ZC3H4: variants seen among roughly 807,000 people sequenced by gnomAD.
ZC3H4 encodes zinc finger CCCH-type containing 4, also known as zinc finger CCCH domain-containing protein 4.
A neutral mutation model predicts 108.3 loss-of-function variants in ZC3H4; 13 were observed. The ratio of observed to expected loss-of-function variants is 0.12; its 90% CI spans 0.08 to 0.19. The LOEUF (loss-of-function observed/expected upper bound fraction) is 0.19, where lower values mean the gene tolerates loss of function less well. Ranked by LOEUF, ZC3H4 falls within the 10% of genes least tolerant of loss-of-function variation. ZC3H4 has a pLI of 1.00. For missense variants in ZC3H4, 1,734 were observed against 1,838.8 expected (o/e 0.94, Z 1.04); for synonymous variants, 917 against 749.6 (o/e 1.22, Z -3.65).
At chr19:47,078,794 G>A (rs1453803489) in intron 11 of ZC3H4, among the ~76,000 whole-genome samples, 3 of 152,122 alleles carry the variant, frequency 2.0e-5, no homozygotes, top group Non-Finnish European at 4.4e-5. Context: ...GGAAGGCAGA[G>A]GTTGCAGTGA....
chr19:47,111,450 C>T (rs1307598307), intron 2 of ZC3H4, among the ~76,000 whole-genome samples: 1 of 152,188 alleles, frequency 6.6e-6, no homozygotes, highest in Non-Finnish European at 1.5e-5. Context: ...CCGGAAGAGA[C>T]GGTGCCCCAT....
At chr19:47,109,614 C>T (rs1293037413) in intron 2 of ZC3H4, among the ~76,000 whole-genome samples, 1 of 152,184 alleles carries the variant, frequency 6.6e-6, no homozygotes, top group Non-Finnish European at 1.5e-5. Context: ...GAGATTTCTT[C>T]CTCCCGTAAC....
intron 1 of ZC3H4, among the ~76,000 whole-genome samples, chr19:47,113,091 G>A (rs993332821): frequency 2.0e-5 from 3 of 152,248 alleles, no homozygotes; most frequent in South Asian, 2.1e-4. Flanking sequence ...CCCGGCCCCC[G>A]CCGCAATCAG....
intron 2 of ZC3H4, among the ~76,000 whole-genome samples, chr19:47,099,791 G>C (rs1416682134): frequency 1.4e-5 from 2 of 147,912 alleles, no homozygotes; most frequent in African/African-American, 5.0e-5. Flanking sequence ...GGGGCCCAGG[G>C]TTTATGGATC....
intron 11 of ZC3H4, among the ~76,000 whole-genome samples, chr19:47,074,142 T>C (rs986059925): frequency 6.6e-6 from 1 of 152,134 alleles, no homozygotes; most frequent in African/African-American, 2.4e-5. Context: ...CCCCCAGGTT[T>C]TTATTTTTCC....
At chr19:47,094,930 T>C (rs2057797831) in intron 2 of ZC3H4, among the ~76,000 whole-genome samples, 1 of 152,210 alleles carries the variant, frequency 6.6e-6, no homozygotes, top group South Asian at 2.1e-4. Flanking sequence ...TGTGGTCACA[T>C]AAGCAGGAAG....
chr19:47,094,738 A>C (rs1482166286), intron 2 of ZC3H4, 130 bp from the exon 3 acceptor site: 1 of 832,406 alleles, frequency 1.2e-6, no homozygotes, highest in East Asian at 2.4e-5. Flanking sequence ...CTGGGAGGAC[A>C]TGGGGGCCAT....
intron 1 of ZC3H4, chr19:47,113,313 G>A (rs1171063260): frequency 1.3e-5 from 2 of 153,552 alleles, no homozygotes; most frequent in African/African-American, 2.4e-5. Context: ...GAGCTGAGCA[G>A]GAGCGAGGAG....
intron 2 of ZC3H4, among the ~76,000 whole-genome samples, chr19:47,103,617 C>T (rs1027844393): frequency 6.6e-6 from 1 of 151,920 alleles, no homozygotes; most frequent in African/African-American, 2.4e-5. Context: ...AACCCTGTCT[C>T]CACTAAAAAT....
chr19:47,112,837 G>A (rs1391274578), intron 1 of ZC3H4, among the ~76,000 whole-genome samples: 1 of 150,320 alleles, frequency 6.7e-6, no homozygotes. Flanking sequence ...ATAGGGGCGA[G>A]AGCCCCCCCC....
chr19:47,068,260 C>T (rs943569979), intron 14 of ZC3H4, among the ~76,000 whole-genome samples: 2 of 152,240 alleles, frequency 1.3e-5, no homozygotes, highest in East Asian at 1.9e-4. Context: ...TGTTTCCTCC[C>T]GCCCACCTCC....
In ZC3H4 at chr19:47,066,865, C is replaced by G. The variant is rs780258531; in HGVS notation, c.3403G>C (p.Gly1135Arg). The G allele has an allele frequency of 2.2e-5, 35 of 1,598,634 alleles. No homozygotes were observed. In the East Asian group the frequency reaches 7.1e-4, roughly 33 times the overall value. ...AGCACACTGCTCTGCCCGCCCCCTC[C>G]GCCCTGGCCCAGTCCACCGGCCGCC... ...VLAAGGLGQG[G>R]GGGQSSVLSG... The change falls in exon 15 of 15, where the codon GGA (glycine) becomes CGA (arginine). Residue 1135 changes from glycine to arginine, a missense_variant. Coordinates refer to ENST00000253048, the MANE Select transcript of ZC3H4 (RefSeq NM_015168.2).
In ZC3H4 at chr19:47,104,832, T is replaced by C. The variant is rs554903360; in HGVS notation, c.161+7592A>G. ...GTTAGGAAAATGAGGAGGGCAATAATCCAAGCCACCTGCAACAGACTTTTG... is the reference window on the plus strand; with the variant it reads ...GTTAGGAAAATGAGGAGGGCAATAACCCAAGCCACCTGCAACAGACTTTTG... On this transcript the variant is annotated intron_variant, in intron 2 of 14. Transcript: ENST00000253048. Among the ~76,000 whole-genome samples, 33 of 152,270 alleles carry C rather than the reference T, an allele frequency of 2.2e-4. No homozygotes were observed. In the East Asian group the frequency reaches 6.0e-3, roughly 28 times the overall value.
intron 5 of ZC3H4, among the ~76,000 whole-genome samples, chr19:47,087,030 C>T (rs1416123225): frequency 6.6e-6 from 1 of 150,570 alleles, no homozygotes; most frequent in South Asian, 2.1e-4. Flanking sequence ...AATCCCAGCA[C>T]TCTCGGAGGC....
In ZC3H4 at chr19:47,079,127, T is replaced by C. The variant is rs1306484453; in HGVS notation, c.1440+2386A>G. ...TCACCGCAACCACCGCCTCCCGGGT[T>C]CAAGCGATTCTCCTGCCTCAGCCTC... On this transcript the variant is annotated intron_variant, in intron 11 of 14. Coordinates refer to ENST00000253048, the MANE Select transcript of ZC3H4 (RefSeq NM_015168.2). 3.4e-5 allele frequency among the ~76,000 whole-genome samples: 5 copies of C among 147,564 alleles called. 1 individual carries two copies. Among genetic ancestry groups the C allele is most frequent in the African/African-American group, 1.2e-4 (5 of 40,660 alleles).
At chr19:47,077,783 G>C (rs1284981568) in intron 11 of ZC3H4, among the ~76,000 whole-genome samples, 2 of 151,764 alleles carry the variant, frequency 1.3e-5, no homozygotes, top group Non-Finnish European at 1.5e-5. Context: ...CTTGAACCTG[G>C]GAGGCGGAGG....
chr19:47,074,152 C>T (rs772550099), intron 11 of ZC3H4, among the ~76,000 whole-genome samples: 2 of 152,186 alleles, frequency 1.3e-5, no homozygotes, highest in Non-Finnish European at 2.9e-5. Context: ...TTTATTTTTC[C>T]TGTTATTCCC....
intron 2 of ZC3H4, among the ~76,000 whole-genome samples, chr19:47,105,204 C>A (rs984606051): frequency 2.0e-5 from 3 of 152,218 alleles, no homozygotes; most frequent in South Asian, 2.1e-4. Flanking sequence ...ACAGTGCATA[C>A]CATATCACGT....
Position 47,081,632 on chromosome 19 carries a change from A to T in ZC3H4, c.1331-10T>A. ...TTACACGGGAAATCACGTTCATGGC[A>T]AATTAAGGTAAATGCTTCATCTCAC... On this transcript the variant is annotated splice_polypyrimidine_tract_variant and intron_variant, in intron 10 of 14. Coordinates refer to ENST00000253048, the MANE Select transcript of ZC3H4 (RefSeq NM_015168.2). The T allele has an allele frequency of 6.2e-7, 1 of 1,608,542 alleles. No individual in the cohort carries two copies. Among genetic ancestry groups the T allele is most frequent in the East Asian group, 2.2e-5 (1 of 44,856 alleles).
Sources: gnomAD v4.1 joint callset for allele counts (sites outside exome capture counted in the v4.1 genomes callset) on GRCh38, gnomAD v4.1.1 for gene constraint, MANE v1.5 for transcripts, NCBI Gene and HGNC (gene_info 2026-07-23, HGNC 2026-07-21) for gene names.